Variants in KCTD1 observed in about 807,000 individuals in gnomAD.
The protein encoded by KCTD1 is BTB/POZ domain-containing protein KCTD1.
KCTD1 carries 24 observed loss-of-function variants against 66.0 expected under a neutral mutation model. That is an observed-to-expected ratio of 0.36 (90% CI 0.26 to 0.51). KCTD1 has a LOEUF of 0.51. Ranked by LOEUF, KCTD1 falls within the 20% of genes least tolerant of loss-of-function variation. The pLI is 0.95. For missense variants in KCTD1, 943 were observed against 1,205.2 expected (o/e 0.78, Z 3.22); for synonymous variants, 511 against 517.2 (o/e 0.99, Z 0.16).
intron 1 of KCTD1, among the ~76,000 whole-genome samples, chr18:26,621,814 T>C (rs76557369): frequency 0.19 from 29,077 of 152,220 alleles, 3,271 homozygotes; most frequent in Middle Eastern, 0.28. Flanking sequence ...ATTTTTTGTT[T>C]TGTTAAATAG....
chr18:26,474,969 T>C lies in KCTD1; in HGVS notation c.2133+1546A>G, dbSNP rs560110373. ...TTTACAATTCCCTCAAATGTCTCAG[T>C]GGTGATCGTCTCAGCACCTATTACT... On this transcript the variant is annotated intron_variant, in intron 3 of 4. Coordinates refer to ENST00000580059, the MANE Select transcript of KCTD1 (RefSeq NM_001142730.3). Among the ~76,000 whole-genome samples, 16 of 152,304 alleles carry C rather than the reference T, an allele frequency of 1.1e-4. No homozygotes were observed. In the South Asian group the frequency reaches 3.3e-3, roughly 32 times the overall value.
In KCTD1 at chr18:26,476,666, T is replaced by G. The variant is rs749760154; in HGVS notation, c.1989-7A>C. 1 of 1,611,042 alleles carries G rather than the reference T, an allele frequency of 6.2e-7. No individual in the cohort carries two copies. Among genetic ancestry groups the G allele is most frequent in the Non-Finnish European group, 8.5e-7 (1 of 1,179,032 alleles). On this transcript the variant is annotated splice_region_variant and splice_polypyrimidine_tract_variant and intron_variant, in intron 2 of 4. Transcript: ENST00000580059. The surrounding 1 kb of genome is among the most constrained non-coding windows in gnomAD (Gnocchi z 4.9). The stretch of plus-strand genomic sequence containing the variant: ...ATCAAAAAGTCTTCCGATTCTGTGA[T>G]AGAAAAGAGGGAACAGTGAAGACAA...
intron 1 of KCTD1, among the ~76,000 whole-genome samples, chr18:26,654,275 T>C (rs1356955963): frequency 6.6e-6 from 1 of 152,210 alleles, no homozygotes; most frequent in Non-Finnish European, 1.5e-5. Context: ...AGGTCCATAA[T>C]GCATTATTCA....
intron 2 of KCTD1, among the ~76,000 whole-genome samples, chr18:26,482,589 A>G (rs1981705712): frequency 2.0e-5 from 3 of 152,146 alleles, no homozygotes; most frequent in Admixed American, 1.3e-4. Flanking sequence ...GAGGCTGCCA[A>G]TTCTGCCGAA....
intron 1 of KCTD1, among the ~76,000 whole-genome samples, chr18:26,546,138 C>T (rs952860298): frequency 2.0e-5 from 3 of 151,604 alleles, no homozygotes; most frequent in Non-Finnish European, 2.9e-5. Flanking sequence ...GAAATTGCAC[C>T]CCACACTGCC....
chr18:26,649,931 C>G (rs568611155), intron 1 of KCTD1, among the ~76,000 whole-genome samples: 38 of 152,244 alleles, frequency 2.5e-4, no homozygotes, highest in East Asian at 3.9e-4. Flanking sequence ...CAGACCGGGT[C>G]CCGTGTTTCT....
At chr18:26,632,398 T>C (rs1342433398), upstream of KCTD1, among the ~76,000 whole-genome samples, 1 of 151,820 alleles carries the variant, frequency 6.6e-6, no homozygotes, top group African/African-American at 2.4e-5. Context: ...AAAATAATAA[T>C]AAAATTAAAA....
chr18:26,574,414 G>A (rs1598948047), intron 1 of KCTD1, among the ~76,000 whole-genome samples: 1 of 152,256 alleles, frequency 6.6e-6, no homozygotes, highest in East Asian at 1.9e-4. Context: ...ACTAAAAATG[G>A]TTCCCAGTTA....
intron 1 of KCTD1, among the ~76,000 whole-genome samples, chr18:26,586,666 G>A (rs1269805578): frequency 6.6e-6 from 1 of 152,200 alleles, no homozygotes; most frequent in Non-Finnish European, 1.5e-5. Flanking sequence ...AACTAAAAGT[G>A]CTACTCCAGT....
intron 1 of KCTD1, among the ~76,000 whole-genome samples, chr18:26,571,237 T>C (rs961913605): frequency 1.3e-5 from 2 of 152,182 alleles, no homozygotes; most frequent in African/African-American, 4.8e-5. Flanking sequence ...TAAATACAAG[T>C]TATTGAATGA....
At chr18:26,589,852 T>C (rs1355004420) in intron 1 of KCTD1, among the ~76,000 whole-genome samples, 2 of 152,162 alleles carry the variant, frequency 1.3e-5, no homozygotes, top group Non-Finnish European at 2.9e-5. Context: ...CTATTATATG[T>C]GTCTGCTGAT....
intron 2 of KCTD1, among the ~76,000 whole-genome samples, chr18:26,485,637 A>T (rs7244442): frequency 1.2e-4 from 18 of 151,810 alleles, no homozygotes; most frequent in African/African-American, 4.4e-4. Context: ...CCAATTTAGT[A>T]TTTTTTTCAG....
chr18:26,649,369 C>T (rs1427653956), intron 1 of KCTD1, among the ~76,000 whole-genome samples: 1 of 152,158 alleles, frequency 6.6e-6, no homozygotes, highest in African/African-American at 2.4e-5. Flanking sequence ...GTGGATTGCA[C>T]CAGATAACAA....
At chr18:26,541,419 T>C (rs1048373888) in intron 1 of KCTD1, among the ~76,000 whole-genome samples, 1 of 152,240 alleles carries the variant, frequency 6.6e-6, no homozygotes, top group Non-Finnish European at 1.5e-5. Context: ...CTCCCACCTC[T>C]GTTATTTTTG....
Position 26,455,611 on chromosome 18 carries a change from G to T in KCTD1, c.*132C>A, listed in dbSNP as rs1411551964. The T allele has an allele frequency of 2.2e-5, 23 of 1,036,240 alleles. No individual in the cohort carries two copies. The highest frequency in any genetic ancestry group is 5.8e-4 in the Middle Eastern group (2 of 3,452). 64.2% of individuals were successfully genotyped at this position (1,036,240 alleles called of 1,614,324 possible). On this transcript the variant is annotated 3_prime_UTR_variant, in exon 5 of 5. Transcript: ENST00000580059. ...ATGAATACAGGTGTGGTCTCTATTG[G>T]ATATAAATGTGTCTTTTATTCGATT...
At chr18:26,536,222 A>C (rs1027854184) in intron 1 of KCTD1, among the ~76,000 whole-genome samples, 3 of 152,212 alleles carry the variant, frequency 2.0e-5, no homozygotes, top group Non-Finnish European at 4.4e-5. Context: ...AGTTGTAATT[A>C]ACATGTGAAC....
intron 1 of KCTD1, among the ~76,000 whole-genome samples, chr18:26,521,527 T>C (rs1413711743): frequency 6.6e-6 from 1 of 152,210 alleles, no homozygotes; most frequent in African/African-American, 2.4e-5. Context: ...GGGTATGAGG[T>C]GTCTCCTACA....
At chr18:26,558,339 C>T (rs1239631096) in intron 1 of KCTD1, among the ~76,000 whole-genome samples, 2 of 152,156 alleles carry the variant, frequency 1.3e-5, no homozygotes, top group African/African-American at 4.8e-5. Flanking sequence ...AGAGGGAATG[C>T]TTGTATGCTG....
chr18:26,462,978 G>A (rs929553023), intron 3 of KCTD1, among the ~76,000 whole-genome samples: 26 of 151,980 alleles, frequency 1.7e-4, no homozygotes, highest in Admixed American at 3.3e-4. Flanking sequence ...GTACTTGGTG[G>A]AAATAGGCAG....
Sources: gnomAD v4.1 joint callset for allele counts (sites outside exome capture counted in the v4.1 genomes callset) on GRCh38, gnomAD v4.1.1 for gene constraint, Gnocchi (gnomAD v3.1) non-coding constraint, MANE v1.5 for transcripts, NCBI Gene and HGNC (gene_info 2026-07-23, HGNC 2026-07-21) for gene names.